Variants in PRKCD observed in about 807,000 individuals in gnomAD.
PRKCD encodes the protein protein kinase C delta type.
In PRKCD, 20 loss-of-function variants were observed where a neutral mutation model predicts 82.2. The observed-to-expected ratio is 0.24, with a 90% CI of 0.17 to 0.35. PRKCD has a LOEUF of 0.35. Ranked by LOEUF, PRKCD falls within the 10% of genes least tolerant of loss-of-function variation. The pLI is 1.00. For missense variants in PRKCD, 607 were observed against 899.0 expected (o/e 0.68, Z 4.15); for synonymous variants, 317 against 337.0 (o/e 0.94, Z 0.65).
chr3:53,185,758 G>C (rs782379203), intron 11 of PRKCD, 58 bp downstream of exon 11: 3 of 1,572,238 alleles, frequency 1.9e-6, no homozygotes, highest in African/African-American at 2.7e-5. Flanking sequence ...CCAAAGAAAG[G>C]GGACTGTCCT....
chr3:53,171,584 C>T (rs1278463425), intron 2 of PRKCD, among the ~76,000 whole-genome samples: 1 of 152,226 alleles, frequency 6.6e-6, no homozygotes, highest in Admixed American at 6.5e-5. Flanking sequence ...CTGGCTCCCA[C>T]CAGGCTGTAA....
chr3:53,166,803 C>T lies in PRKCD; in HGVS notation c.-20+1588C>T, dbSNP rs1463977766. On this transcript the variant is annotated intron_variant, in intron 2 of 18. Coordinates refer to ENST00000330452, the MANE Select transcript of PRKCD (RefSeq NM_006254.4). ...CCCTGGTAGGTGGGCTCTGCCCATG[C>T]ATTCAGCAGCCACCCTGCCCACCTG... 2.6e-5 allele frequency among the ~76,000 whole-genome samples: 4 copies of T among 152,258 alleles called. No individual in the cohort carries two copies. The East Asian group carries it at 7.7e-4, about 29-fold the overall frequency.
At chr3:53,177,917 A>G (rs1553666208) in intron 2 of PRKCD, among the ~76,000 whole-genome samples, 1 of 151,006 alleles carries the variant, frequency 6.6e-6, no homozygotes, top group Non-Finnish European at 1.5e-5. Context: ...GACTTACATA[A>G]ACCTCTCAAT....
chr3:53,167,759 A>G (rs1553664128), intron 2 of PRKCD, among the ~76,000 whole-genome samples: 2 of 152,214 alleles, frequency 1.3e-5, no homozygotes, highest in Admixed American at 6.5e-5. Flanking sequence ...TTATTATCTG[A>G]TGGGCTGGGC....
Position 53,182,587 on chromosome 3 carries a change from A to G in PRKCD, c.572-534A>G, listed in dbSNP as rs148194542. Among the ~76,000 whole-genome samples the G allele has an allele frequency of 1.7e-3, 264 of 152,290 alleles. 2 individuals carry two copies. The highest frequency in any genetic ancestry group is 6.3e-3 in the African/African-American group (261 of 41,570). ...CCTGGCCCTCATCTATAAATTAGAT[A>G]TAACTATAATGTATAATAGGGTCAT... On this transcript the variant is annotated intron_variant, in intron 7 of 18. Coordinates refer to ENST00000330452, the MANE Select transcript of PRKCD (RefSeq NM_006254.4).
intron 9 of PRKCD, among the ~76,000 whole-genome samples, chr3:53,183,785 C>T (rs981728036): frequency 3.3e-5 from 5 of 152,318 alleles, no homozygotes; most frequent in South Asian, 2.1e-4. Context: ...CACAGGTGGG[C>T]GGCTCCACCC....
intron 8 of PRKCD, 22 bp downstream of exon 8, chr3:53,183,228 G>A: frequency 6.2e-7 from 1 of 1,612,544 alleles, no homozygotes; most frequent in Non-Finnish European, 8.5e-7. Context: ...TCCGGGGCAG[G>A]GCTGGGGATC....
At chr3:53,181,006 C>T (rs554757623) in intron 4 of PRKCD, among the ~76,000 whole-genome samples, 1 of 151,882 alleles carries the variant, frequency 6.6e-6, no homozygotes, top group Non-Finnish European at 1.5e-5. Flanking sequence ...TGTAATAATA[C>T]CCCTGGGTAC....
In PRKCD at chr3:53,169,565, T is replaced by G. The variant is rs2107228837; in HGVS notation, c.-20+4350T>G. 6.6e-6 allele frequency among the ~76,000 whole-genome samples: 1 copy of G among 152,278 alleles called. No homozygotes were observed. Among genetic ancestry groups the G allele is most frequent in the African/African-American group, 2.4e-5 (1 of 41,562 alleles). On this transcript the variant is annotated intron_variant, in intron 2 of 18. Coordinates refer to ENST00000330452, the MANE Select transcript of PRKCD (RefSeq NM_006254.4). This position sits in a 1 kb window ranked among gnomAD's most constrained non-coding sequence, Gnocchi z 4.7. ...GCAGGCAGTCGCCAAGGCCTGAGGC[T>G]AGATCAGATGTCTGCGTGGTGTAGG...
chr3:53,178,327 C>A, intron 2 of PRKCD, 77 bp from the exon 3 acceptor site: 1 of 843,402 alleles, frequency 1.2e-6, no homozygotes, highest in South Asian at 1.6e-5. Context: ...CCTGGGGGAG[C>A]GGGTCCCTGA....
At chr3:53,176,933 A>G (rs1489295703) in intron 2 of PRKCD, among the ~76,000 whole-genome samples, 1 of 151,944 alleles carries the variant, frequency 6.6e-6, no homozygotes, top group Admixed American at 6.6e-5. Context: ...GGTTCCAGCC[A>G]TTCTTCTGCC....
At chr3:53,162,151 C>T (rs543639396) in intron 1 of PRKCD, among the ~76,000 whole-genome samples, 208 of 152,132 alleles carry the variant, frequency 1.4e-3, no homozygotes, top group African/African-American at 4.8e-3. Flanking sequence ...CTTCCCACCC[C>T]ACCCCTCCGC....
chr3:53,166,253 A>T (rs1368815807), intron 2 of PRKCD, among the ~76,000 whole-genome samples: 1 of 152,142 alleles, frequency 6.6e-6, no homozygotes, highest in Non-Finnish European at 1.5e-5. Context: ...CCTTCTGTGT[A>T]TTGGACCTGT....
At chr3:53,177,623 A>G (rs1703255176) in intron 2 of PRKCD, among the ~76,000 whole-genome samples, 1 of 152,224 alleles carries the variant, frequency 6.6e-6, no homozygotes, top group Non-Finnish European at 1.5e-5. Context: ...AGAAAGAGGC[A>G]GTACTGTCCT....
At chr3:53,167,961 T>C (rs1189633597) in intron 2 of PRKCD, among the ~76,000 whole-genome samples, 1 of 152,222 alleles carries the variant, frequency 6.6e-6, no homozygotes, top group Non-Finnish European at 1.5e-5. Flanking sequence ...CTGCCTGCTC[T>C]TCTCCCCCTC....
intron 2 of PRKCD, among the ~76,000 whole-genome samples, chr3:53,172,286 G>A (rs1464330819): frequency 3.9e-5 from 6 of 151,958 alleles, no homozygotes; most frequent in African/African-American, 7.3e-5. Context: ...CCTTGTTTCC[G>A]CTGGGAAGGC....
intron 1 of PRKCD, among the ~76,000 whole-genome samples, chr3:53,161,877 C>T (rs1347797534): frequency 7.3e-6 from 1 of 137,216 alleles, no homozygotes; most frequent in Non-Finnish European, 1.6e-5. Context: ...CCCCTACCCC[C>T]GCCCGCCGCC....
intron 2 of PRKCD, among the ~76,000 whole-genome samples, chr3:53,167,692 A>C (rs1244373276): frequency 6.6e-6 from 1 of 152,274 alleles, no homozygotes; most frequent in African/African-American, 2.4e-5. Flanking sequence ...TAAAGCATTT[A>C]GAGCCCAGTT....
intron 15 of PRKCD, 34 bp from the exon 16 acceptor site, chr3:53,188,686 C>T (rs370826968): frequency 3.1e-6 from 5 of 1,611,834 alleles, no homozygotes; most frequent in Middle Eastern, 3.3e-4. Flanking sequence ...GAAGAAATGT[C>T]CCCTGCTGAC....
Sources: allele counts gnomAD v4.1 joint callset (sites outside exome capture counted in the v4.1 genomes callset), GRCh38; gene constraint gnomAD v4.1.1; non-coding constraint Gnocchi (gnomAD v3.1); transcripts MANE v1.5; gene names NCBI Gene and HGNC (gene_info 2026-07-23, HGNC 2026-07-21).